The following NPSR1 variants were observed in gnomAD, a reference collection of about 807,000 sequenced individuals.
The protein encoded by NPSR1 is neuropeptide S receptor 1.
NPSR1 carries 48 observed loss-of-function variants against 46.9 expected under a neutral mutation model. The ratio of observed to expected loss-of-function variants is 1.02; its 90% CI spans 0.81 to 1.30. The LOEUF (loss-of-function observed/expected upper bound fraction) is 1.30, where lower values mean the gene tolerates loss of function less well. Among genes scored for constraint, NPSR1 ranks in the 50% most tolerant of loss-of-function variants. The pLI is 0.00. For missense variants in NPSR1, 450 were observed against 449.5 expected (o/e 1.00, Z -0.01); for synonymous variants, 176 against 168.1 (o/e 1.05, Z -0.36).
chr7:34,831,998 C>T (rs1041570281), intron 5 of NPSR1, among the ~76,000 whole-genome samples: 1 of 152,164 alleles, frequency 6.6e-6, no homozygotes, highest in Non-Finnish European at 1.5e-5. Context: ...AATACATGGC[C>T]ATGGTGGGTA....
At chr7:34,750,590 A>G (rs976548594) in intron 2 of NPSR1, 2 of 689,244 alleles carry the variant, frequency 2.9e-6, no homozygotes, top group African/African-American at 3.5e-5. Context: ...ACAGGCCTGA[A>G]GCTTTTGCTC....
At chr7:34,721,296 G>C (rs1783846085) in intron 2 of NPSR1, among the ~76,000 whole-genome samples, 1 of 152,170 alleles carries the variant, frequency 6.6e-6, no homozygotes. Context: ...AACAAAATAG[G>C]AATGGAAGAT....
chr7:34,830,145 T>C (rs17200135), intron 5 of NPSR1, among the ~76,000 whole-genome samples: 3,630 of 152,368 alleles, frequency 0.024, 66 homozygotes, highest in Non-Finnish European at 0.036. Context: ...GCATAGGTGC[T>C]ACAATTTCAT....
intron 3 of NPSR1, among the ~76,000 whole-genome samples, chr7:34,810,055 T>C (rs79316455): frequency 0.027 from 4,127 of 152,270 alleles, 187 homozygotes; most frequent in African/African-American, 0.095. Flanking sequence ...CTGAGATGCA[T>C]TTGTAGAAAT....
chr7:34,703,235 A>G (rs7357103), intron 2 of NPSR1, among the ~76,000 whole-genome samples: 59,235 of 151,882 alleles, frequency 0.39, 12,081 homozygotes, highest in East Asian at 0.5. Context: ...GGCGGGCGCG[A>G]TGGCAGGCGC....
intron 3 of NPSR1, among the ~76,000 whole-genome samples, chr7:34,786,348 C>T (rs1195900948): frequency 6.6e-6 from 1 of 152,100 alleles, no homozygotes; most frequent in Non-Finnish European, 1.5e-5. Flanking sequence ...AATTCAGTCA[C>T]ATGTACACAC....
chr7:34,836,078 A>C (rs1000474878), intron 6 of NPSR1, among the ~76,000 whole-genome samples: 1 of 152,118 alleles, frequency 6.6e-6, no homozygotes, highest in African/African-American at 2.4e-5. Flanking sequence ...GAAATTTTCA[A>C]CCCACGAAGA....
At chr7:34,857,470 C>T (rs112979195) in intron 8 of NPSR1, among the ~76,000 whole-genome samples, 1,692 of 151,750 alleles carry the variant, frequency 0.011, 25 homozygotes, top group Non-Finnish European at 0.016. Flanking sequence ...TATAGGTAAA[C>T]GATTTGTTTC....
chr7:34,871,794 G>A (rs908299267), intron 8 of NPSR1, among the ~76,000 whole-genome samples: 2 of 151,936 alleles, frequency 1.3e-5, no homozygotes, highest in African/African-American at 2.4e-5. Context: ...ATGATGGGTG[G>A]GCTCCCAAGG....
intron 2 of NPSR1, among the ~76,000 whole-genome samples, chr7:34,684,945 G>A (rs987338169): frequency 3.3e-5 from 5 of 152,012 alleles, no homozygotes; most frequent in African/African-American, 1.2e-4. Flanking sequence ...GGTTCTATAG[G>A]GTTTCCCTGT....
chr7:34,683,469 A>C (rs1792761355), intron 1 of NPSR1, among the ~76,000 whole-genome samples: 1 of 151,768 alleles, frequency 6.6e-6, no homozygotes, highest in Admixed American at 6.6e-5. Flanking sequence ...AATATTTCTT[A>C]GAAGGACTGT....
Position 34,875,788 on chromosome 7 carries a change from A to G in NPSR1, c.1026-2288A>G, listed in dbSNP as rs1027016437. Among the ~76,000 whole-genome samples the G allele has an allele frequency of 7.9e-5, 12 of 152,080 alleles. 1 individual carries two copies. The highest frequency in any genetic ancestry group is 2.9e-4 in the African/African-American group (12 of 41,346). On this transcript the variant is annotated intron_variant, in intron 8 of 8. Transcript: ENST00000359791. ...CCAATTCTATTTGGGAAAGAAGCAC[A>G]ATGACCCTTTATTAAAGGATTTCAA...
At chr7:34,793,931 C>T (rs1218231923) in intron 3 of NPSR1, among the ~76,000 whole-genome samples, 7 of 151,996 alleles carry the variant, frequency 4.6e-5, no homozygotes, top group Admixed American at 4.6e-4. Flanking sequence ...CATAGATGAA[C>T]CTGGAGAACA....
Position 34,876,079 on chromosome 7 carries a change from T to G in NPSR1, c.1026-1997T>G, listed in dbSNP as rs1476147485. 2.0e-5 allele frequency among the ~76,000 whole-genome samples: 3 copies of G among 151,864 alleles called. No individual in the cohort carries two copies. The East Asian group carries it at 5.8e-4, about 29-fold the overall frequency. On this transcript the variant is annotated intron_variant, in intron 8 of 8. Coordinates refer to the NPSR1 transcript ENST00000359791. Reference sequence around the variant, plus strand: ...GTAGGGATGGTGGGGCAGGGAGAGATGAAGGGGCAAAAGACAGGTGGGACA... The same window carrying G: ...GTAGGGATGGTGGGGCAGGGAGAGAGGAAGGGGCAAAAGACAGGTGGGACA...
chr7:34,717,299 GT>G (rs1038482761), intron 2 of NPSR1, among the ~76,000 whole-genome samples: 2 of 152,052 alleles, frequency 1.3e-5, no homozygotes, highest in African/African-American at 4.8e-5. Flanking sequence ...CCCCCAAGTA[GT>G]TTTGTATTTT....
intron 2 of NPSR1, chr7:34,728,800 G>C (rs1048120638): frequency 6.6e-6 from 1 of 152,596 alleles, no homozygotes; most frequent in Admixed American, 6.5e-5. Context: ...GTCTCCCTGC[G>C]TTTCTTCTCA....
intron 3 of NPSR1, among the ~76,000 whole-genome samples, chr7:34,781,767 AC>A (rs1398979190): frequency 1.3e-5 from 2 of 151,936 alleles, no homozygotes; most frequent in African/African-American, 4.8e-5. Context: ...GAATGCCCAC[AC>A]TCCAGACTGA....
chr7:34,790,973 G>C (rs187976171), intron 3 of NPSR1, among the ~76,000 whole-genome samples: 714 of 61,370 alleles, frequency 0.012, 72 homozygotes, highest in East Asian at 0.033. Context: ...TATTATATAT[G>C]TTATATGTTA....
In NPSR1 at chr7:34,726,526, T is replaced by C. The variant is rs1366788068; in HGVS notation, c.280+41842T>C. ...ACTTCTTGGTATTTATCCAAATGAA[T>C]TGGCAACTCATGCCCACACAAGAAT... On this transcript the variant is annotated intron_variant, in intron 2 of 8. Transcript: ENST00000360581. Among the ~76,000 whole-genome samples, 4 of 152,312 alleles carry C rather than the reference T, an allele frequency of 2.6e-5. No individual in the cohort carries two copies. The East Asian group carries it at 5.8e-4, about 22-fold the overall frequency.
Sources: allele counts gnomAD v4.1 joint callset (sites outside exome capture counted in the v4.1 genomes callset), GRCh38; gene constraint gnomAD v4.1.1; transcripts MANE v1.5; gene names NCBI Gene and HGNC (gene_info 2026-07-23, HGNC 2026-07-21).